The following MAP2 variants were observed in gnomAD, a reference collection of about 807,000 sequenced individuals.
The protein encoded by MAP2 is microtubule associated protein 2.
A neutral mutation model predicts 137.6 loss-of-function variants in MAP2; 14 were observed. The observed-to-expected ratio is 0.10, with a 90% CI of 0.07 to 0.16. MAP2 has a LOEUF of 0.16. Among genes scored for constraint, MAP2 ranks in the 10% least tolerant of loss-of-function variants. MAP2 has a pLI of 1.00. For synonymous variants in MAP2, 786 were observed against 782.3 expected, an observed-to-expected ratio of 1.00 and a Z score of -0.08; for missense variants, 2,088 against 2,191.5, an observed-to-expected ratio of 0.95 and a Z score of 0.94.
At chr2:209,512,190 C>T (rs1009725993) in intron 2 of MAP2, among the ~76,000 whole-genome samples, 3 of 152,042 alleles carry the variant, frequency 2.0e-5, no homozygotes, top group African/African-American at 7.2e-5. Context: ...TTTTAGTCCA[C>T]TTTTAAGCCC....
intron 2 of MAP2, among the ~76,000 whole-genome samples, chr2:209,578,024 A>G (rs2075620929): frequency 6.6e-6 from 1 of 152,206 alleles, no homozygotes; most frequent in South Asian, 2.1e-4. Context: ...ATCAAAGACA[A>G]AGGATGTTTC....
At chr2:209,493,138 C>T (rs1389078500) in intron 1 of MAP2, among the ~76,000 whole-genome samples, 3 of 152,082 alleles carry the variant, frequency 2.0e-5, no homozygotes, top group Admixed American at 6.5e-5. Flanking sequence ...CATCTACAAC[C>T]ACCTGATCTT....
At chr2:209,675,566 C>T (rs2050967932) in intron 5 of MAP2, among the ~76,000 whole-genome samples, 1 of 151,686 alleles carries the variant, frequency 6.6e-6, no homozygotes, top group Admixed American at 6.6e-5. Flanking sequence ...TACAGTGTAC[C>T]ACAATGTTAT....
chr2:209,484,050 T>TA (rs35348313), intron 1 of MAP2, among the ~76,000 whole-genome samples: 6,326 of 152,266 alleles, frequency 0.042, 216 homozygotes, highest in African/African-American at 0.087. Flanking sequence ...AGAACATTCT[T>TA]AAATTTCCTT....
intron 5 of MAP2, among the ~76,000 whole-genome samples, chr2:209,654,735 T>C (rs577787296): frequency 8.5e-5 from 13 of 152,100 alleles, no homozygotes; most frequent in Non-Finnish European, 1.9e-4. Context: ...TTATAGCATA[T>C]TGATTGTGAG....
At chr2:209,654,564 T>C (rs1196567334) in intron 5 of MAP2, among the ~76,000 whole-genome samples, 2 of 152,192 alleles carry the variant, frequency 1.3e-5, no homozygotes, top group Non-Finnish European at 2.9e-5. Flanking sequence ...ATTTTATTAT[T>C]ATTGGTGGTA....
At chr2:209,479,807 T>C (rs932480815) in intron 1 of MAP2, among the ~76,000 whole-genome samples, 33 of 152,118 alleles carry the variant, frequency 2.2e-4, no homozygotes, top group African/African-American at 8.0e-4. Flanking sequence ...TTTAAAAGAC[T>C]TGGTAAATTA....
chr2:209,595,882 A>G (rs563991256), intron 3 of MAP2, among the ~76,000 whole-genome samples: 1 of 152,206 alleles, frequency 6.6e-6, no homozygotes, highest in Non-Finnish European at 1.5e-5. Context: ...GCATGTTCTC[A>G]CTCATAGGTG....
At chr2:209,540,386 C>A (rs2066741385) in intron 2 of MAP2, among the ~76,000 whole-genome samples, 1 of 151,322 alleles carries the variant, frequency 6.6e-6, no homozygotes, top group Non-Finnish European at 1.5e-5. Flanking sequence ...GTAATCCCAG[C>A]ACTTTGGAAG....
At chr2:209,596,289 C>A (rs2081282488) in intron 3 of MAP2, among the ~76,000 whole-genome samples, 1 of 152,150 alleles carries the variant, frequency 6.6e-6, no homozygotes, top group Non-Finnish European at 1.5e-5. Context: ...TAAAACACAG[C>A]ATCTTTATTG....
chr2:209,661,901 G>A (rs2043810853), intron 5 of MAP2, among the ~76,000 whole-genome samples: 1 of 152,120 alleles, frequency 6.6e-6, no homozygotes, highest in Admixed American at 6.6e-5. Flanking sequence ...CACAGCGTTT[G>A]ATATTTTACA....
intron 4 of MAP2, among the ~76,000 whole-genome samples, chr2:209,648,825 G>GTAGAATC (rs2094587523): frequency 6.7e-6 from 1 of 149,516 alleles, no homozygotes; most frequent in South Asian, 2.1e-4. Context: ...AGTTGTTTAG[G>GTAGAATC]TAGCATCTCA....
intron 5 of MAP2, among the ~76,000 whole-genome samples, chr2:209,664,135 A>C (rs867542495): frequency 6.6e-6 from 1 of 152,226 alleles, no homozygotes; most frequent in Non-Finnish European, 1.5e-5. Flanking sequence ...TACAGTCAGT[A>C]GGTTGGAAAT....
At chr2:209,462,328 C>A (rs1703025689) in intron 1 of MAP2, among the ~76,000 whole-genome samples, 1 of 152,122 alleles carries the variant, frequency 6.6e-6, no homozygotes, top group Non-Finnish European at 1.5e-5. Context: ...GAACTGCACT[C>A]CAGTGGTATC....
intron 2 of MAP2, among the ~76,000 whole-genome samples, chr2:209,542,812 G>A (rs2067295341): frequency 1.3e-5 from 2 of 152,240 alleles, no homozygotes; most frequent in South Asian, 4.1e-4. Context: ...CTCTGGATTA[G>A]GCTTTGGCTT....
At chr2:209,681,917 CA>C (rs2054744050) in intron 7 of MAP2, among the ~76,000 whole-genome samples, 1 of 151,918 alleles carries the variant, frequency 6.6e-6, no homozygotes, top group South Asian at 2.1e-4. Context: ...TTTATTTTAG[CA>C]AGGTTTTTCT....
chr2:209,567,371 C>T (rs1296648271), intron 2 of MAP2, among the ~76,000 whole-genome samples: 2 of 151,968 alleles, frequency 1.3e-5, no homozygotes, highest in Non-Finnish European at 2.9e-5. Context: ...TTCCCCATTA[C>T]TTTGGGGTAA....
At chr2:209,664,962 C>CAAAAAAAAAAAAAAAAAA (rs67286716) in intron 5 of MAP2, among the ~76,000 whole-genome samples, 14 of 51,768 alleles carry the variant, frequency 2.7e-4, no homozygotes, top group Non-Finnish European at 4.9e-4. Flanking sequence ...AACTCCGTCT[C>CAAAAAAAAAAAAAAAAAA]AAAAAAAAAA....
chr2:209,493,452 T>A (rs1050897566), intron 1 of MAP2, among the ~76,000 whole-genome samples: 6 of 152,012 alleles, frequency 3.9e-5, no homozygotes, highest in African/African-American at 1.4e-4. Flanking sequence ...CTAATGAAAC[T>A]AAAGAGCTTC....
Sources: gnomAD v4.1 joint callset for allele counts (sites outside exome capture counted in the v4.1 genomes callset) on GRCh38, gnomAD v4.1.1 for gene constraint, MANE v1.5 for transcripts, NCBI Gene and HGNC (gene_info 2026-07-23, HGNC 2026-07-21) for gene names.